ZDHHC13: variants seen among roughly 807,000 people sequenced by gnomAD.
ZDHHC13 encodes the protein palmitoyltransferase ZDHHC13.
A neutral mutation model predicts 86.0 loss-of-function variants in ZDHHC13; 85 were observed. That is an observed-to-expected ratio of 0.99 (90% CI 0.83 to 1.18). The LOEUF (loss-of-function observed/expected upper bound fraction) is 1.18, where lower values mean the gene tolerates loss of function less well. Ranked by LOEUF, ZDHHC13 falls within the 50% of genes most tolerant of loss-of-function variation. The pLI, the probability that ZDHHC13 is intolerant of heterozygous loss-of-function variation, is 0.00. For missense variants in ZDHHC13, 711 were observed against 730.2 expected, an observed-to-expected ratio of 0.97 and a Z score of 0.30; for synonymous variants, 263 against 246.4, an observed-to-expected ratio of 1.07 and a Z score of -0.63.
intron 1 of ZDHHC13, among the ~76,000 whole-genome samples, chr11:19,118,531 T>C (rs1027080160): frequency 6.6e-6 from 1 of 152,242 alleles, no homozygotes; most frequent in Non-Finnish European, 1.5e-5. Context: ...CTATTATGTC[T>C]TAATTACTGC....
chr11:19,140,693 T>G (rs202024836), intron 1 of ZDHHC13, among the ~76,000 whole-genome samples: 1 of 151,914 alleles, frequency 6.6e-6, no homozygotes, highest in Non-Finnish European at 1.5e-5. Flanking sequence ...TAGACTGGAT[T>G]AAGAAAATGT....
Position 19,117,238 on chromosome 11 carries a change from G to T in ZDHHC13, c.-12G>T. On this transcript the variant is annotated 5_prime_UTR_variant, in exon 1 of 17. Coordinates refer to ENST00000446113, the MANE Select transcript of ZDHHC13 (RefSeq NM_019028.3). This position sits in a 1 kb window ranked among gnomAD's most constrained non-coding sequence, Gnocchi z 4.2. The stretch of plus-strand genomic sequence containing the variant: ...TGCCTAGTAGCCTCAGCCGCTGTGG[G>T]CTCCTGGGGAGATGGAGGGGCCGGG... 3 of 1,521,734 alleles carry T rather than the reference G, an allele frequency of 2.0e-6. No homozygotes were observed. The highest frequency in any genetic ancestry group is 1.2e-5 in the South Asian group (1 of 83,224). The allele number at this position is 1,521,734 out of a possible 1,614,324, so 94.3% of individuals were successfully genotyped here.
At position 19,166,342 on chromosome 11, in the gene ZDHHC13, C is replaced by G; in HGVS notation, c.1431C>G (p.Phe477Leu). 1 of 1,611,680 alleles carries G rather than the reference C, an allele frequency of 6.2e-7. No individual in the cohort carries two copies. Among genetic ancestry groups the G allele is most frequent in the Non-Finnish European group, 8.5e-7 (1 of 1,179,230 alleles). Residue 477 changes from phenylalanine to leucine, a missense_variant, in exon 14 of 17, where the codon TTC (phenylalanine) becomes TTG (leucine). Physicochemically the swap from Phe to Leu is conservative, Grantham distance 22. Coordinates refer to ENST00000446113, the MANE Select transcript of ZDHHC13 (RefSeq NM_019028.3). ...ACTATTACATATTCTTCTTGTTTTT[C>G]CTTTCCATGGTATGTGGCTGGATTA... ...NHHYYIFFLF[F>L]LSMVCGWIIY...
chr11:19,176,084 C>T lies in ZDHHC13; in HGVS notation c.*124C>T. On this transcript the variant is annotated 3_prime_UTR_variant, in exon 17 of 17. Transcript: ENST00000446113. The stretch of plus-strand genomic sequence containing the variant: ...AAAGGAAAACACGTGGTTTTTAAAG[C>T]CATTAGGTAAAAAAAGTTCTCAATA... The T allele has an allele frequency of 1.8e-6, 2 of 1,135,266 alleles. No homozygotes were observed. The highest frequency in any genetic ancestry group is 2.8e-5 in the East Asian group (1 of 35,358). 70.3% of individuals were successfully genotyped at this position (1,135,266 alleles called of 1,614,324 possible). A position where few individuals can be genotyped will look rare whatever the true frequency, so the allele number is the denominator to read the frequency against.
At chr11:19,147,186 A>AT (rs1565030497) in intron 3 of ZDHHC13, among the ~76,000 whole-genome samples, 1 of 152,198 alleles carries the variant, frequency 6.6e-6, no homozygotes, top group Non-Finnish European at 1.5e-5. Flanking sequence ...TCATTCCCAC[A>AT]TAGTAATTCT....
At chr11:19,143,521 T>G (rs889478677) in intron 2 of ZDHHC13, among the ~76,000 whole-genome samples, 2 of 152,248 alleles carry the variant, frequency 1.3e-5, no homozygotes, top group African/African-American at 4.8e-5. Flanking sequence ...AATAGGTAGA[T>G]GGAATGAAAA....
intron 16 of ZDHHC13, among the ~76,000 whole-genome samples, chr11:19,175,258 T>C (rs867493374): frequency 9.9e-5 from 15 of 151,238 alleles, no homozygotes; most frequent in East Asian, 2.0e-4. Context: ...GGTGTGGTGG[T>C]GGGCGCCTAT....
chr11:19,136,538 G>A (rs1849146695), intron 1 of ZDHHC13, among the ~76,000 whole-genome samples: 1 of 152,100 alleles, frequency 6.6e-6, no homozygotes, highest in Non-Finnish European at 1.5e-5. Context: ...ATGTAGCAAG[G>A]CCAACATTCA....
rs572710864 is a variant in ZDHHC13, at chr11:19,143,068, G to A, written c.118G>A (p.Glu40Lys). The change falls in exon 2 of 17, where the codon GAA (glutamate) becomes AAA (lysine). Residue 40 changes from glutamate to lysine, a missense_variant. Glu to Lys is a moderately conservative substitution (Grantham distance 56). Coordinates refer to ENST00000446113, the MANE Select transcript of ZDHHC13 (RefSeq NM_019028.3). ...AAACAAAGAACTTGCCAATGCAAGA[G>A]AAGCTCTTCCTCTTATAGAGGACTC... ...HENKELANAR[E>K]ALPLIEDSSN... 1.2e-6 allele frequency: 2 copies of A among 1,613,354 alleles called. No individual in the cohort carries two copies. Among genetic ancestry groups the A allele is most frequent in the South Asian group, 2.2e-5 (2 of 90,988 alleles).
intron 7 of ZDHHC13, 86 bp from the exon 8 acceptor site, chr11:19,152,473 C>T: frequency 6.8e-7 from 1 of 1,460,460 alleles, no homozygotes; most frequent in East Asian, 2.5e-5. Flanking sequence ...TGTGTTGAGT[C>T]TATGATTCTG....
chr11:19,175,395 A>AAAAAAT (rs2133495148), intron 16 of ZDHHC13, among the ~76,000 whole-genome samples: 1 of 105,740 alleles, frequency 9.5e-6, no homozygotes, highest in African/African-American at 3.6e-5. Flanking sequence ...GTCTCAAAAA[A>AAAAAAT]AAAAAAAAAA....
intron 16 of ZDHHC13, 134 bp from the exon 17 acceptor site, chr11:19,175,688 T>C: frequency 1.0e-6 from 1 of 959,210 alleles, no homozygotes; most frequent in South Asian, 1.7e-5. Context: ...AGGAACTATC[T>C]GATCTACCCC....
At chr11:19,167,043 G>A (rs1850091708) in intron 14 of ZDHHC13, 1 of 152,192 alleles carries the variant, frequency 6.6e-6, no homozygotes, top group South Asian at 2.1e-4. Flanking sequence ...GAAAGATTTT[G>A]GCTATGTCTT....
chr11:19,135,080 G>A lies in ZDHHC13; in HGVS notation c.28-7898G>A, dbSNP rs144049342. ...AAAAGTGGTAGGAGCCAAGATGGCC[G>A]AATAGGAACAGCTCTGGTCTACAGC... On this transcript the variant is annotated intron_variant, in intron 1 of 16. Transcript: ENST00000446113. 6.8e-3 allele frequency among the ~76,000 whole-genome samples: 1,042 copies of A among 152,220 alleles called. 9 individuals are homozygous for A. The highest frequency in any genetic ancestry group is 0.024 in the African/African-American group (983 of 41,544).
chr11:19,175,907 C>T lies in ZDHHC13; in HGVS notation c.1816C>T (p.Gln606Ter). 6.2e-7 allele frequency: 1 copy of T among 1,613,366 alleles called. No homozygotes were observed. The highest frequency in any genetic ancestry group is 8.5e-7 in the Non-Finnish European group (1 of 1,179,706). ...VKPCVVDWTSQYTMVFHPARE... is the reference protein window; with the variant it reads ...VKPCVVDWTS Reference sequence around the variant, plus strand: ...GCCCTGTGTGGTAGATTGGACATCACAGTACACCATGGTCTTTCACCCAGC... The same window carrying T: ...GCCCTGTGTGGTAGATTGGACATCATAGTACACCATGGTCTTTCACCCAGC... Residue 606 changes from glutamine (Q) to a stop codon, truncating the protein, a stop_gained, in exon 17 of 17, where the codon CAG becomes TAG. Transcript: ENST00000446113. LOFTEE classifies it high-confidence loss of function.
chr11:19,167,870 G>C lies in ZDHHC13; in HGVS notation c.1474+1485G>C, dbSNP rs192179026. The C allele has an allele frequency of 8.5e-5, 13 of 152,258 alleles. No homozygotes were observed. The East Asian group carries it at 2.5e-3, about 29-fold the overall frequency. The allele number at this position is 152,258 out of a possible 1,614,324, so 9.4% of individuals were successfully genotyped here. A position where few individuals can be genotyped will look rare whatever the true frequency, so the allele number is the denominator to read the frequency against. ...ACTCTGTCGCCCAGACTGGAATGCA[G>C]CGGCACCATCATGGCTCACTGCAGC... On this transcript the variant is annotated intron_variant, in intron 14 of 16. Coordinates refer to ENST00000446113, the MANE Select transcript of ZDHHC13 (RefSeq NM_019028.3).
chr11:19,150,855 A>G, intron 6 of ZDHHC13, 64 bp downstream of exon 6: 1 of 1,444,074 alleles, frequency 6.9e-7, no homozygotes, highest in Non-Finnish European at 9.7e-7. Context: ...CTGTGTATGT[A>G]ATTTTAAGTA....
At position 19,153,957 on chromosome 11, in the gene ZDHHC13, A is replaced by C. The variant is rs116326337; in HGVS notation, c.873+1273A>C. 6.4e-3 allele frequency among the ~76,000 whole-genome samples: 970 copies of C among 151,398 alleles called. 9 individuals are homozygous for C. The highest frequency in any genetic ancestry group is 0.022 in the African/African-American group (915 of 41,258). ...GTCCAGAATCTGACCCCTTCTTACC[A>C]CTCTACCACTGCCATGTTGGTTCAG... On this transcript the variant is annotated intron_variant, in intron 8 of 16. Coordinates refer to ENST00000446113, the MANE Select transcript of ZDHHC13 (RefSeq NM_019028.3).
At chr11:19,163,494 C>T in intron 11 of ZDHHC13, 67 bp downstream of exon 11, 2 of 1,441,072 alleles carry the variant, frequency 1.4e-6, no homozygotes, top group Non-Finnish European at 1.8e-6. Context: ...TTTATATGCA[C>T]ATATGCAGAT....
Sources: gnomAD v4.1 joint callset for allele counts (sites outside exome capture counted in the v4.1 genomes callset) on GRCh38, gnomAD v4.1.1 for gene constraint, Gnocchi (gnomAD v3.1) non-coding constraint, MANE v1.5 for transcripts, NCBI Gene and HGNC (gene_info 2026-07-23, HGNC 2026-07-21) for gene names.